Variants in XIRP2 observed in about 807,000 individuals in gnomAD.
XIRP2 encodes the protein xin actin binding repeat containing 2, also known as xin actin-binding repeat-containing protein 2.
Under a neutral mutation model 277.0 loss-of-function variants are expected in XIRP2, and 236 were observed. The ratio of observed to expected loss-of-function variants is 0.85; its 90% CI spans 0.77 to 0.95. The LOEUF is 0.95. Among genes scored for constraint, XIRP2 ranks in the 40% least tolerant of loss-of-function variants. The pLI, the probability that XIRP2 is intolerant of heterozygous loss-of-function variation, is 0.00. For missense variants in XIRP2, 4,640 were observed against 4,157.5 expected, an observed-to-expected ratio of 1.12 and a Z score of -3.19; for synonymous variants, 1,490 against 1,416.5, an observed-to-expected ratio of 1.05 and a Z score of -1.17.
Position 167,252,036 on chromosome 2 carries a change from G to A in XIRP2, c.10555+89G>A, listed in dbSNP as rs548425001. On this transcript the variant is annotated intron_variant, in intron 9 of 10. Coordinates refer to ENST00000409195, the MANE Select transcript of XIRP2 (RefSeq NM_152381.6). Reference sequence around the variant, plus strand: ...AATGATGTACAGTTAAAAAGAGTGCGTGGAAACAACCAAACAATATAACCT... The same window carrying A: ...AATGATGTACAGTTAAAAAGAGTGCATGGAAACAACCAAACAATATAACCT... The A allele has an allele frequency of 1.9e-3, 2,795 of 1,486,352 alleles. 1 individual carries two copies. Among genetic ancestry groups the A allele is most frequent in the Non-Finnish European group, 2.1e-3 (2,330 of 1,126,938 alleles). 92.1% of individuals were successfully genotyped at this position (1,486,352 alleles called of 1,614,324 possible). A position where few individuals can be genotyped will look rare whatever the true frequency, so the allele number is the denominator to read the frequency against.
At chr2:167,036,994 A>G (rs1214803836) in intron 2 of XIRP2, among the ~76,000 whole-genome samples, 1 of 152,124 alleles carries the variant, frequency 6.6e-6, no homozygotes, top group Non-Finnish European at 1.5e-5. Context: ...AGGCCTCCCT[A>G]GCCATGTGGA....
chr2:166,984,784 G>C (rs930095794), intron 2 of XIRP2, among the ~76,000 whole-genome samples: 1 of 152,212 alleles, frequency 6.6e-6, no homozygotes, highest in Non-Finnish European at 1.5e-5. Context: ...AAATATCAGA[G>C]CTGGGCTTCT....
intron 2 of XIRP2, among the ~76,000 whole-genome samples, chr2:167,067,677 G>A (rs1227854427): frequency 6.6e-6 from 1 of 152,150 alleles, no homozygotes; most frequent in African/African-American, 2.4e-5. Flanking sequence ...GTGACCACAT[G>A]CTCTTGGGAA....
intron 2 of XIRP2, among the ~76,000 whole-genome samples, chr2:166,954,982 T>C (rs1054474983): frequency 6.6e-6 from 1 of 151,804 alleles, no homozygotes; most frequent in Non-Finnish European, 1.5e-5. Context: ...ACCTAGGTGA[T>C]GGGTTGATAG....
At chr2:167,130,889 G>C (rs190028269) in intron 2 of XIRP2, among the ~76,000 whole-genome samples, 17 of 151,842 alleles carry the variant, frequency 1.1e-4, no homozygotes, top group African/African-American at 4.1e-4. Context: ...TTCTGAATTC[G>C]TAAGTAACTA....
intron 2 of XIRP2, among the ~76,000 whole-genome samples, chr2:167,067,841 A>G (rs963006640): frequency 6.6e-6 from 1 of 152,268 alleles, no homozygotes. Context: ...AATTTTTTCA[A>G]TGTCTTGGAG....
chr2:167,239,135 A>G (rs1010324569), intron 5 of XIRP2, among the ~76,000 whole-genome samples: 1 of 152,214 alleles, frequency 6.6e-6, no homozygotes, highest in African/African-American at 2.4e-5. Context: ...TGGATGGCCA[A>G]TTTGAAGACT....
chr2:167,215,381 G>A (rs1250343085), intron 4 of XIRP2, among the ~76,000 whole-genome samples: 1 of 152,148 alleles, frequency 6.6e-6, no homozygotes, highest in African/African-American at 2.4e-5. Context: ...ATATTTGATA[G>A]TCCACATAAA....
At chr2:167,156,493 ATAAT>A (rs113578313) in intron 3 of XIRP2, among the ~76,000 whole-genome samples, 16,214 of 152,138 alleles carry the variant, frequency 0.11, 1,794 homozygotes, top group African/African-American at 0.29. Context: ...AGATGTATCT[ATAAT>A]TAAAGTGAAT....
Position 167,104,389 on chromosome 2 carries a change from C to T in XIRP2, c.409-31520C>T, listed in dbSNP as rs189097235. 7.9e-5 allele frequency among the ~76,000 whole-genome samples: 12 copies of T among 152,146 alleles called. No individual in the cohort carries two copies. In the South Asian group the frequency reaches 1.7e-3, roughly 21 times the overall value. ...CCCATCATAACAATTTTATCCCATC[C>T]CCCAAAATAACCATTATTGTTGCAG... is the stretch of plus-strand genomic sequence containing the variant. On this transcript the variant is annotated intron_variant, in intron 2 of 10. Coordinates refer to ENST00000409195, the MANE Select transcript of XIRP2 (RefSeq NM_152381.6).
chr2:167,202,074 A>T (rs60016563), intron 3 of XIRP2, among the ~76,000 whole-genome samples: 6,456 of 152,268 alleles, frequency 0.042, 201 homozygotes, highest in East Asian at 0.12. Flanking sequence ...ACTGATAGCT[A>T]TCATTATTAT....
At chr2:167,240,841 A>G in intron 7 of XIRP2, 105 bp downstream of exon 7, 1 of 955,650 alleles carries the variant, frequency 1.0e-6, no homozygotes, top group South Asian at 1.4e-5. Flanking sequence ...GAGTAACTTT[A>G]GTAACTATGA....
intron 2 of XIRP2, among the ~76,000 whole-genome samples, chr2:166,937,224 G>C (rs1351482962): frequency 2.0e-5 from 3 of 152,066 alleles, no homozygotes. Flanking sequence ...TTGGCTGTGG[G>C]TTTGTCATAC....
intron 3 of XIRP2, among the ~76,000 whole-genome samples, chr2:167,155,428 A>C (rs1211188827): frequency 5.3e-5 from 8 of 152,062 alleles, no homozygotes; most frequent in Non-Finnish European, 1.2e-4. Context: ...CCTGGGATGC[A>C]AGGCTGGTTC....
At chr2:166,937,300 G>T (rs1057062193) in intron 2 of XIRP2, among the ~76,000 whole-genome samples, 3 of 152,120 alleles carry the variant, frequency 2.0e-5, no homozygotes, top group African/African-American at 7.2e-5. Flanking sequence ...AGCATGAAGG[G>T]CTACTGAATT....
Position 167,082,719 on chromosome 2 carries a change from T to G in XIRP2, c.409-53190T>G, listed in dbSNP as rs576005372. Among the ~76,000 whole-genome samples the G allele has an allele frequency of 1.8e-3, 270 of 152,338 alleles. 3 individuals are homozygous for G. Among genetic ancestry groups the G allele is most frequent in the African/African-American group, 5.7e-3 (236 of 41,576 alleles). ...CACTGATGAGCATTTTTTCATGTGT[T>G]TTTTGGCTGCATAAATGTCTTCTTT... On this transcript the variant is annotated intron_variant, in intron 2 of 10. Transcript: ENST00000409195.
intron 3 of XIRP2, among the ~76,000 whole-genome samples, chr2:167,201,373 A>T (rs1204887353): frequency 4.0e-5 from 6 of 150,172 alleles, no homozygotes; most frequent in Non-Finnish European, 8.9e-5. Context: ...AGGGGAAGGA[A>T]GGGCAGGAAC....
Position 167,258,752 on chromosome 2 carries a change from T to C in XIRP2, c.*935T>C, listed in dbSNP as rs1460247362. 1.9e-6 allele frequency: 3 copies of C among 1,613,228 alleles called. No individual in the cohort carries two copies. The highest frequency in any genetic ancestry group is 2.5e-6 in the Non-Finnish European group (3 of 1,179,634). On this transcript the variant is annotated 3_prime_UTR_variant, in exon 11 of 11. Coordinates refer to ENST00000409195, the MANE Select transcript of XIRP2 (RefSeq NM_152381.6). ...TTTAGAATTTCTTGATCTATTACCC[T>C]TGTCGAGTGAAGCAAATGACACTGC...
intron 5 of XIRP2, among the ~76,000 whole-genome samples, chr2:167,219,581 A>T (rs1290985856): frequency 1.3e-5 from 2 of 152,116 alleles, no homozygotes; most frequent in African/African-American, 4.8e-5. Context: ...ACCTTCATGG[A>T]TGTGTGACCT....
Sources: allele counts gnomAD v4.1 joint callset (sites outside exome capture counted in the v4.1 genomes callset), GRCh38; gene constraint gnomAD v4.1.1; transcripts MANE v1.5; gene names NCBI Gene and HGNC (gene_info 2026-07-23, HGNC 2026-07-21).